Variants in ABL2 observed in about 807,000 individuals in gnomAD.
ABL2 encodes the protein ABL proto-oncogene 2, non-receptor tyrosine kinase.
A neutral mutation model predicts 107.7 loss-of-function variants in ABL2; 49 were observed. That is an observed-to-expected ratio of 0.45 (90% CI 0.36 to 0.58). ABL2 has a LOEUF of 0.58. Among genes scored for constraint, ABL2 ranks in the 20% least tolerant of loss-of-function variants. The pLI is 0.00. For missense variants in ABL2, 1,245 were observed against 1,457.0 expected (o/e 0.85, Z 2.37); for synonymous variants, 549 against 548.6 (o/e 1.00, Z -0.01).
chr1:179,161,659 T>C (rs1266404589), intron 1 of ABL2, among the ~76,000 whole-genome samples: 1 of 152,192 alleles, frequency 6.6e-6, no homozygotes, highest in Non-Finnish European at 1.5e-5. Context: ...TGCAGTCAGC[T>C]GAGACTGTGC....
At chr1:179,139,694 G>A (rs1397019014) in intron 1 of ABL2, among the ~76,000 whole-genome samples, 1 of 152,174 alleles carries the variant, frequency 6.6e-6, no homozygotes, top group African/African-American at 2.4e-5. Flanking sequence ...TCTGTGGCCT[G>A]TTAGGAACTG....
At chr1:179,120,511 G>A (rs769616182) in intron 5 of ABL2, among the ~76,000 whole-genome samples, 3 of 152,030 alleles carry the variant, frequency 2.0e-5, no homozygotes, top group Admixed American at 6.6e-5. Context: ...TGCAACCTCC[G>A]CTTCCTGGGC....
intron 1 of ABL2, among the ~76,000 whole-genome samples, chr1:179,179,874 G>A (rs527673920): frequency 6.6e-6 from 1 of 151,964 alleles, no homozygotes; most frequent in Non-Finnish European, 1.5e-5. Flanking sequence ...GGCGAGGCAG[G>A]GGGATGACTT....
At position 179,099,483 on chromosome 1, in the gene ABL2, G is replaced by C. The variant is rs924781375; in HGVS notation, c.*8235C>G. Reference sequence around the variant, plus strand: ...TTCACAGTCAGACAACAGACGGAGAGAATTAAATTAGAAAAACAACTGAAA... The same window carrying C: ...TTCACAGTCAGACAACAGACGGAGACAATTAAATTAGAAAAACAACTGAAA... On this transcript the variant is annotated 3_prime_UTR_variant, in exon 12 of 12. Transcript: ENST00000502732. The C allele has an allele frequency of 5.0e-5, 11 of 221,846 alleles. No homozygotes were observed. The highest frequency in any genetic ancestry group is 9.9e-5 in the Non-Finnish European group (11 of 111,058). The allele number at this position is 221,846 out of a possible 1,614,324, so 13.7% of individuals were successfully genotyped here.
Position 179,108,505 on chromosome 1 carries a change from G to A in ABL2, c.2762C>T (p.Pro921Leu), listed in dbSNP as rs780201509. 2 of 1,614,172 alleles carry A rather than the reference G, an allele frequency of 1.2e-6. No individual in the cohort carries two copies. The highest frequency in any genetic ancestry group is 4.5e-5 in the East Asian group (2 of 44,882). Reference sequence around the variant, plus strand: ...GTGGTTGTGAGTGGTTGGGAGGACGGGGGCAGCCTTGGCTGGAGAAGGCCA... The same window carrying A: ...GTGGTTGTGAGTGGTTGGGAGGACGAGGGCAGCCTTGGCTGGAGAAGGCCA... ...PGWPSPAKAA[P>L]VLPTTHNHKV... The change falls in exon 12 of 12, where the codon CCC becomes CTC. Residue 921 changes from proline (P) to leucine (L), a missense_variant. Transcript: ENST00000502732.
At chr1:179,208,950 C>A (rs1329756028) in intron 1 of ABL2, among the ~76,000 whole-genome samples, 3 of 152,014 alleles carry the variant, frequency 2.0e-5, no homozygotes, top group Non-Finnish European at 2.9e-5. Flanking sequence ...AATAATACTA[C>A]CAAAAGCAAA....
intron 1 of ABL2, among the ~76,000 whole-genome samples, chr1:179,191,253 TAGAA>T (rs1164511287): frequency 6.6e-6 from 1 of 152,162 alleles, no homozygotes; most frequent in Non-Finnish European, 1.5e-5. Flanking sequence ...AACCCAAAGT[TAGAA>T]AGAATAAGCA....
chr1:179,129,511 GTC>G (rs771379035), intron 3 of ABL2, among the ~76,000 whole-genome samples: 1 of 151,948 alleles, frequency 6.6e-6, no homozygotes, highest in Non-Finnish European at 1.5e-5. Flanking sequence ...GTGAAACCCT[GTC>G]TCTACTAAAA....
rs2102568950 is a variant in ABL2, at chr1:179,106,558, C to G, written c.*1160G>C. ...AATGTGGGGGTGATTCACTTCAAAT[C>G]CATAGAGAGGAGAATGCCTCTCCCT... On this transcript the variant is annotated 3_prime_UTR_variant, in exon 12 of 12. Coordinates refer to ENST00000502732, the MANE Select transcript of ABL2 (RefSeq NM_007314.4). 1 of 232,964 alleles carries G rather than the reference C, an allele frequency of 4.3e-6. No homozygotes were observed. Among genetic ancestry groups the G allele is most frequent in the South Asian group, 1.8e-4 (1 of 5,520 alleles). 14.4% of individuals were successfully genotyped at this position (232,964 alleles called of 1,614,324 possible).
At position 179,131,597 on chromosome 1, in the gene ABL2, A is replaced by G. The variant is rs1383734874; in HGVS notation, c.221-116T>C. ...TGGCTCCAGAGTAGGAAAGAACTGTACAGTATAAAGTGTTATGAAGAATTA... is the reference window on the plus strand; with the variant it reads ...TGGCTCCAGAGTAGGAAAGAACTGTGCAGTATAAAGTGTTATGAAGAATTA... On this transcript the variant is annotated intron_variant, in intron 2 of 11. Transcript: ENST00000502732. The G allele has an allele frequency of 2.9e-6, 3 of 1,043,260 alleles. No individual in the cohort carries two copies. The African/African-American group carries it at 4.8e-5, about 17-fold the overall frequency. 64.6% of individuals were successfully genotyped at this position (1,043,260 alleles called of 1,614,324 possible).
At chr1:179,217,730 C>G (rs1662649985) in intron 1 of ABL2, among the ~76,000 whole-genome samples, 1 of 152,102 alleles carries the variant, frequency 6.6e-6, no homozygotes, top group African/African-American at 2.4e-5. Flanking sequence ...GAGTTCCCAC[C>G]TCTCCTTCAT....
At chr1:179,209,497 TG>T (rs1322797021) in intron 1 of ABL2, among the ~76,000 whole-genome samples, 1 of 152,214 alleles carries the variant, frequency 6.6e-6, no homozygotes, top group African/African-American at 2.4e-5. Context: ...TTTGCTGTAG[TG>T]GTCTCAGCCA....
Position 179,108,245 on chromosome 1 carries a change from C to T in ABL2, c.3022G>A (p.Ala1008Thr), listed in dbSNP as rs748743924. The T allele has an allele frequency of 1.2e-6, 2 of 1,613,992 alleles. No homozygotes were observed. Among genetic ancestry groups the T allele is most frequent in the Non-Finnish European group, 1.7e-6 (2 of 1,180,016 alleles). The change falls in exon 12 of 12, where the codon GCC becomes ACC. Residue 1008 changes from alanine to threonine, a missense_variant. This residue lies in a region of ABL2 where 761 missense variants were observed against 766.4 expected (regional missense o/e 0.99). Transcript: ENST00000502732. ...GATGTGGACTGTCCTGCAGTTAGGG[C>T]AGTTGGCTCTTCTGTAGGGTCTGAG... ...ICSDPTEEPT[A>T]LTAGQSTSET...
At chr1:179,197,357 A>G (rs1661377020) in intron 1 of ABL2, among the ~76,000 whole-genome samples, 1 of 152,126 alleles carries the variant, frequency 6.6e-6, no homozygotes, top group South Asian at 2.1e-4. Context: ...CACCCAAGGG[A>G]TAATAAAAAA....
intron 2 of ABL2, among the ~76,000 whole-genome samples, chr1:179,133,015 A>T (rs1656493434): frequency 6.6e-6 from 1 of 151,252 alleles, no homozygotes; most frequent in Non-Finnish European, 1.5e-5. Flanking sequence ...CACGCCACCA[A>T]GCCCAGCTAA....
At position 179,149,667 on chromosome 1, in the gene ABL2, A is replaced by G. The variant is rs184061067; in HGVS notation, c.158-16293T>C. On this transcript the variant is annotated intron_variant, in intron 1 of 11. Transcript: ENST00000502732. ...AAATCCTAGGACCTTTAAGAGTTACACTAAATCTATTCCACTTATGCTCTA... is the reference window on the plus strand; with the variant it reads ...AAATCCTAGGACCTTTAAGAGTTACGCTAAATCTATTCCACTTATGCTCTA... Among the ~76,000 whole-genome samples, 760 of 152,328 alleles carry G rather than the reference A, an allele frequency of 5.0e-3. 6 individuals are homozygous for G. The highest frequency in any genetic ancestry group is 0.017 in the African/African-American group (712 of 41,564).
chr1:179,198,080 C>T (rs915046450), intron 1 of ABL2, among the ~76,000 whole-genome samples: 6 of 147,546 alleles, frequency 4.1e-5, no homozygotes, highest in South Asian at 2.2e-4. Flanking sequence ...GGCTGAAGTG[C>T]GACGGTCCCC....
chr1:179,171,341 C>T (rs1475599208), intron 1 of ABL2, among the ~76,000 whole-genome samples: 3 of 152,216 alleles, frequency 2.0e-5, no homozygotes, highest in African/African-American at 7.2e-5. Context: ...CACAGAGACT[C>T]TCCTTTCAAG....
In ABL2 at chr1:179,120,614, G is replaced by A. The variant is rs138399529; in HGVS notation, c.961-340C>T. 8.2e-3 allele frequency among the ~76,000 whole-genome samples: 1,244 copies of A among 152,068 alleles called. 10 individuals carry two copies. The highest frequency in any genetic ancestry group is 0.012 in the Non-Finnish European group (803 of 68,002). ...TACTTTTTGTATTTTTAGTAGAGAC[G>A]GGGTTTTGCAATGTTGGCCAGGATG... On this transcript the variant is annotated intron_variant, in intron 5 of 11. Transcript: ENST00000502732.
Sources: allele counts gnomAD v4.1 joint callset (sites outside exome capture counted in the v4.1 genomes callset), GRCh38; gene constraint gnomAD v4.1.1; regional missense constraint gnomAD v4.1.1; transcripts MANE v1.5; gene names NCBI Gene and HGNC (gene_info 2026-07-23, HGNC 2026-07-21).